FSD1L: variants seen among roughly 807,000 people sequenced by gnomAD.
FSD1L encodes FSD1-like protein.
In FSD1L, 45 loss-of-function variants were observed where a neutral mutation model predicts 71.6. The ratio of observed to expected loss-of-function variants is 0.63; its 90% CI spans 0.49 to 0.81. The LOEUF (loss-of-function observed/expected upper bound fraction) is 0.81, where lower values mean the gene tolerates loss of function less well. FSD1L is among the 30% of genes least tolerant of loss of function. The pLI, the probability that FSD1L is intolerant of heterozygous loss-of-function variation, is 0.00. For synonymous variants in FSD1L, 197 were observed against 207.2 expected (o/e 0.95, Z 0.42); for missense variants, 561 against 618.1 (o/e 0.91, Z 0.98).
intron 7 of FSD1L, among the ~76,000 whole-genome samples, chr9:105,499,009 A>G (rs771507017): frequency 2.0e-5 from 3 of 152,190 alleles, no homozygotes; most frequent in Non-Finnish European, 4.4e-5. Context: ...TCATTGCATG[A>G]TTTCTATGCT....
At chr9:105,522,228 G>A (rs1835216093) in intron 10 of FSD1L, 1 of 1,612,550 alleles carries the variant, frequency 6.2e-7, no homozygotes, top group African/African-American at 1.3e-5. Context: ...GGAAGAGTTG[G>A]CCACTGAGTG....
At chr9:105,493,512 T>C (rs1191508428) in intron 7 of FSD1L, among the ~76,000 whole-genome samples, 2 of 152,262 alleles carry the variant, frequency 1.3e-5, no homozygotes, top group East Asian at 1.9e-4. Flanking sequence ...TTAAGGTTAA[T>C]ATTGTTATGT....
At chr9:105,521,838 C>T (rs1310732052) in intron 10 of FSD1L, 116 of 1,612,264 alleles carry the variant, frequency 7.2e-5, no homozygotes, top group Non-Finnish European at 9.1e-5. Context: ...GGCAGTTTTG[C>T]AGGTGTTTAT....
chr9:105,515,346 C>T lies in FSD1L; in HGVS notation c.1025+2410C>T, dbSNP rs1006783796. On this transcript the variant is annotated intron_variant, in intron 10 of 13. Coordinates refer to ENST00000481272, the MANE Select transcript of FSD1L (RefSeq NM_001145313.3). ...ACCGTAGTTTGCCAAATTAAGAAAACGCGCCAGGCATTCTTAGGAAGAAAG... is the reference window on the plus strand; with the variant it reads ...ACCGTAGTTTGCCAAATTAAGAAAATGCGCCAGGCATTCTTAGGAAGAAAG... Among the ~76,000 whole-genome samples, 11 of 152,144 alleles carry T rather than the reference C, an allele frequency of 7.2e-5. No homozygotes were observed. In the East Asian group the frequency reaches 9.6e-4, roughly 13 times the overall value.
rs576214299 is a variant in FSD1L, at chr9:105,521,060, C to A, written c.1025+8124C>A. 9.0e-4 allele frequency: 1,455 copies of A among 1,613,208 alleles called. 18 individuals are homozygous for A. In the South Asian group the frequency reaches 0.015, roughly 17 times the overall value. On this transcript the variant is annotated intron_variant, in intron 10 of 13. Transcript: ENST00000481272. ...GTTTATATCATCCTATACTTGACAT[C>A]CCGCAGATGAGACCAAAGCCACATT... is the stretch of plus-strand genomic sequence containing the variant.
rs139659437 is a variant in FSD1L, at chr9:105,538,764, C to T, written c.1379-499C>T. On this transcript the variant is annotated intron_variant, in intron 12 of 13. Transcript: ENST00000481272. ...CAGCTTATACAAAATAGCAAGACCC[C>T]GCCTCTGTTAAAAAAATTAACAAAA... Among the ~76,000 whole-genome samples, 1,018 of 152,056 alleles carry T rather than the reference C, an allele frequency of 6.7e-3. 6 individuals are homozygous for T. Among genetic ancestry groups the T allele is most frequent in the Non-Finnish European group, 0.01 (701 of 67,974 alleles).
chr9:105,471,850 A>T (rs2131645148), intron 4 of FSD1L, 54 bp from the exon 5 acceptor site: 1 of 650,902 alleles, frequency 1.5e-6, no homozygotes, highest in East Asian at 3.4e-5. Context: ...TAAGATTCTA[A>T]TGGCAATAGG....
At chr9:105,460,571 G>A in intron 1 of FSD1L, among the ~76,000 whole-genome samples, 1 of 139,620 alleles carries the variant, frequency 7.2e-6, no homozygotes. Context: ...TAGCCTGGGT[G>A]ACAGAGTGAG....
intron 1 of FSD1L, among the ~76,000 whole-genome samples, chr9:105,452,594 TTCCCTCCC>T (rs1039731234): frequency 1.3e-5 from 2 of 151,168 alleles, no homozygotes; most frequent in Non-Finnish European, 3.0e-5. Flanking sequence ...TAAAGCAGGG[TTCCCTCCC>T]TCCCTCCCTC....
chr9:105,524,092 C>T (rs961785773), intron 10 of FSD1L: 234 of 1,611,582 alleles, frequency 1.5e-4, no homozygotes, highest in Non-Finnish European at 1.7e-4. Flanking sequence ...GTATTAAGCT[C>T]GGCAAGAGAT....
rs540922196 is a variant in FSD1L, at chr9:105,546,654, G to A, written c.*171G>A. ...TACGAAGCATTTGCAGGAACCTACTGTGCAGTATCATAGAAGCAAGCAGAT... is the reference window on the plus strand; with the variant it reads ...TACGAAGCATTTGCAGGAACCTACTATGCAGTATCATAGAAGCAAGCAGAT... On this transcript the variant is annotated 3_prime_UTR_variant, in exon 14 of 14. Transcript: ENST00000481272. 2.0e-6 allele frequency: 1 copy of A among 496,280 alleles called. No individual in the cohort carries two copies. The highest frequency in any genetic ancestry group is 3.3e-6 in the Non-Finnish European group (1 of 301,776). 30.7% of individuals were successfully genotyped at this position (496,280 alleles called of 1,614,324 possible). A position where few individuals can be genotyped will look rare whatever the true frequency, so the allele number is the denominator to read the frequency against.
rs1830697291 is a variant in FSD1L, at chr9:105,461,530, A to T, written c.26A>T (p.Lys9Met). The change falls in exon 2 of 14, where the codon AAG (lysine) becomes ATG (methionine). Residue 9 changes from lysine to methionine, a missense_variant. Physicochemically the swap from Lys to Met is moderately conservative, Grantham distance 95. Transcript: ENST00000481272. Reference sequence around the variant, plus strand: ...ATTTATATTGGACAGTACTGCTTTAAGGAGAATGAAAACGTTACAGTTGAT... The same window carrying T: ...ATTTATATTGGACAGTACTGCTTTATGGAGAATGAAAACGTTACAGTTGAT... MDSQKYCFKENENVTVDKA... is the reference protein window; with the variant it reads MDSQKYCFMENENVTVDKA... 6.5e-7 allele frequency: 1 copy of T among 1,548,736 alleles called. No homozygotes were observed. Among genetic ancestry groups the T allele is most frequent in the South Asian group, 1.2e-5 (1 of 83,972 alleles).
At chr9:105,448,348 C>A in intron 1 of FSD1L, 113 bp downstream of exon 1, 2 of 1,040,646 alleles carry the variant, frequency 1.9e-6, no homozygotes, top group East Asian at 6.6e-5. Context: ...GGCCGGGCGT[C>A]CGGGCTGCTG....
chr9:105,465,695 G>A (rs573610495), intron 3 of FSD1L, among the ~76,000 whole-genome samples: 68 of 152,260 alleles, frequency 4.5e-4, no homozygotes, highest in African/African-American at 1.6e-3. Flanking sequence ...GAATTTGACA[G>A]AATTCAACAT....
At chr9:105,476,321 GTTAA>G (rs996639445) in intron 5 of FSD1L, among the ~76,000 whole-genome samples, 15 of 151,952 alleles carry the variant, frequency 9.9e-5, no homozygotes, top group Middle Eastern at 6.8e-3. Flanking sequence ...CCATCTCTTA[GTTAA>G]TTGTTTTTAA....
rs1055984862 is a variant in FSD1L at position 105,495,378 on chromosome 9, A to T, written c.586+10876A>T. On this transcript the variant is annotated intron_variant, in intron 7 of 13. Coordinates refer to ENST00000481272, the MANE Select transcript of FSD1L (RefSeq NM_001145313.3). ...AAAGTGCAGTATTGGGGTGGGAATG[A>T]CCTGATTTTCCAGGTGCCGTCTGTC... Among the ~76,000 whole-genome samples the T allele has an allele frequency of 3.9e-5, 6 of 152,162 alleles. No individual in the cohort carries two copies. In the East Asian group the frequency reaches 9.7e-4, roughly 25 times the overall value.
intron 7 of FSD1L, among the ~76,000 whole-genome samples, chr9:105,496,246 C>T (rs752994620): frequency 1.3e-5 from 2 of 148,204 alleles, no homozygotes; most frequent in Non-Finnish European, 3.0e-5. Flanking sequence ...CTGTGTCGCC[C>T]AGGCTGGAGT....
chr9:105,495,311 G>A (rs1477503122), intron 7 of FSD1L, among the ~76,000 whole-genome samples: 9 of 152,278 alleles, frequency 5.9e-5, no homozygotes, highest in East Asian at 1.9e-4. Context: ...AGCCAGGTGC[G>A]GGATATAATC....
intron 10 of FSD1L, among the ~76,000 whole-genome samples, chr9:105,527,505 A>G (rs1396186579): frequency 6.6e-6 from 1 of 152,126 alleles, no homozygotes; most frequent in Non-Finnish European, 1.5e-5. Context: ...CTTACAGTAG[A>G]TAAGCTGCTC....
Sources: gnomAD v4.1 joint callset for allele counts (sites outside exome capture counted in the v4.1 genomes callset) on GRCh38, gnomAD v4.1.1 for gene constraint, MANE v1.5 for transcripts, NCBI Gene and HGNC (gene_info 2026-07-23, HGNC 2026-07-21) for gene names.